The following SLIT2 variants were observed in gnomAD, a reference collection of about 807,000 sequenced individuals.
SLIT2 encodes slit homolog 2 protein.
Under a neutral mutation model 185.7 loss-of-function variants are expected in SLIT2, and 41 were observed. The ratio of observed to expected loss-of-function variants is 0.22; its 90% CI spans 0.17 to 0.29. The LOEUF is 0.29. SLIT2 is among the 10% of genes least tolerant of loss of function. The pLI is 1.00. For synonymous variants in SLIT2, 693 were observed against 680.2 expected, an observed-to-expected ratio of 1.02 and a Z score of -0.29; for missense variants, 1,571 against 1,909.0, an observed-to-expected ratio of 0.82 and a Z score of 3.30.
intron 26 of SLIT2, among the ~76,000 whole-genome samples, chr4:20,555,656 A>G (rs980872263): frequency 3.3e-5 from 5 of 152,064 alleles, no homozygotes; most frequent in Non-Finnish European, 7.4e-5. Flanking sequence ...CATACCCTCA[A>G]CGTTTTTAAT....
At chr4:20,578,763 A>G (rs535354387) in intron 29 of SLIT2, among the ~76,000 whole-genome samples, 6 of 152,304 alleles carry the variant, frequency 3.9e-5, no homozygotes, top group Non-Finnish European at 7.4e-5. Context: ...TTTGAATTTA[A>G]AAAGCTAACT....
At chr4:20,430,900 C>T (rs553353635) in intron 4 of SLIT2, among the ~76,000 whole-genome samples, 12 of 152,282 alleles carry the variant, frequency 7.9e-5, no homozygotes, top group South Asian at 2.1e-4. Context: ...TGTATACCAT[C>T]GACACACACG....
In SLIT2 at chr4:20,257,852, A is replaced by G. The variant is rs1361534133; in HGVS notation, c.252-16A>G. On this transcript the variant is annotated splice_polypyrimidine_tract_variant and intron_variant, in intron 2 of 36. Coordinates refer to ENST00000504154, the MANE Select transcript of SLIT2 (RefSeq NM_004787.4). ...GAGTGGTAACATTAAGAAGCATGTT[A>G]TATTTTGCATTTCAGTCAGCTTATG... 2 of 1,378,764 alleles carry G rather than the reference A, an allele frequency of 1.5e-6. No individual in the cohort carries two copies. The highest frequency in any genetic ancestry group is 1.0e-6 in the Non-Finnish European group (1 of 973,084). The allele number at this position is 1,378,764 out of a possible 1,614,324, so 85.4% of individuals were successfully genotyped here.
At position 20,525,133 on chromosome 4, in the gene SLIT2, C is replaced by T. The variant is rs1163603594; in HGVS notation, c.1439-16C>T. 1.2e-6 allele frequency: 2 copies of T among 1,601,124 alleles called. No homozygotes were observed. Among genetic ancestry groups the T allele is most frequent in the South Asian group, 1.1e-5 (1 of 90,776 alleles). Reference sequence around the variant, plus strand: ...TTCAGGTGCATCTTCTATTTTTTGTCTCTTTTTTTATTTAGCTAAAGAACA... The same window carrying T: ...TTCAGGTGCATCTTCTATTTTTTGTTTCTTTTTTTATTTAGCTAAAGAACA... On this transcript the variant is annotated splice_polypyrimidine_tract_variant and intron_variant, in intron 14 of 36. Coordinates refer to ENST00000504154, the MANE Select transcript of SLIT2 (RefSeq NM_004787.4).
rs146492057 is a variant in SLIT2, at chr4:20,311,977, G to A, written c.395+43096G>A. 2.4e-3 allele frequency among the ~76,000 whole-genome samples: 372 copies of A among 152,244 alleles called. 2 individuals are homozygous for A. The highest frequency in any genetic ancestry group is 0.024 in the Middle Eastern group (7 of 294). On this transcript the variant is annotated intron_variant, in intron 4 of 36. Coordinates refer to ENST00000504154, the MANE Select transcript of SLIT2 (RefSeq NM_004787.4). ...TATTTTCAGACATAATGGAATAATGGTGTTTAGCCACAATGTGGTATTTTC... is the reference window on the plus strand; with the variant it reads ...TATTTTCAGACATAATGGAATAATGATGTTTAGCCACAATGTGGTATTTTC...
intron 29 of SLIT2, among the ~76,000 whole-genome samples, chr4:20,576,969 G>A (rs1726128898): frequency 1.3e-5 from 2 of 150,214 alleles, no homozygotes; most frequent in South Asian, 2.1e-4. Context: ...TGTTTATTTG[G>A]AGAGGTAAGT....
Position 20,551,125 on chromosome 4 carries a change from T to C in SLIT2, c.2561+227T>C, listed in dbSNP as rs183690181. Among the ~76,000 whole-genome samples the C allele has an allele frequency of 1.8e-4, 27 of 152,346 alleles. No individual in the cohort carries two copies. The East Asian group carries it at 5.0e-3, about 28-fold the overall frequency. On this transcript the variant is annotated intron_variant, in intron 25 of 36. Transcript: ENST00000504154. ...AGTAGTCGAATTATCTTTGCTTAGCTAAACATGTCTCTTCTACAAATATGG... is the reference window on the plus strand; with the variant it reads ...AGTAGTCGAATTATCTTTGCTTAGCCAAACATGTCTCTTCTACAAATATGG...
At chr4:20,342,781 G>A (rs1262489038) in intron 4 of SLIT2, among the ~76,000 whole-genome samples, 1 of 129,674 alleles carries the variant, frequency 7.7e-6, no homozygotes, top group Non-Finnish European at 1.6e-5. Context: ...ATGTGCTGGA[G>A]ATACAGGCAT....
intron 4 of SLIT2, among the ~76,000 whole-genome samples, chr4:20,402,430 A>G (rs890265035): frequency 4.6e-5 from 7 of 151,928 alleles, no homozygotes; most frequent in African/African-American, 1.7e-4. Context: ...TTCATCGCTT[A>G]TTTAAAAAAC....
chr4:20,503,562 A>G (rs746522353), intron 9 of SLIT2, among the ~76,000 whole-genome samples: 18 of 130,360 alleles, frequency 1.4e-4, no homozygotes, highest in Non-Finnish European at 2.9e-4. Context: ...GCCTAAGCCC[A>G]TTTTTTTTCC....
chr4:20,417,655 G>C (rs1230284797), intron 4 of SLIT2, among the ~76,000 whole-genome samples: 1 of 151,582 alleles, frequency 6.6e-6, no homozygotes, highest in Non-Finnish European at 1.5e-5. Flanking sequence ...CCGAGTAGCT[G>C]GGACTATAGG....
chr4:20,254,863 T>C lies in SLIT2; in HGVS notation c.179+869T>C, dbSNP rs1711606587. The C allele has an allele frequency of 2.2e-6, 1 of 452,734 alleles. No homozygotes were observed. Among genetic ancestry groups the C allele is most frequent in the South Asian group, 1.6e-5 (1 of 63,968 alleles). 28.0% of individuals were successfully genotyped at this position (452,734 alleles called of 1,614,324 possible). On this transcript the variant is annotated intron_variant, in intron 1 of 36. Transcript: ENST00000504154. The surrounding 1 kb of genome is among the most constrained non-coding windows in gnomAD (Gnocchi z 5.1). ...CTGCGCCCCTTCACGTGGCAGCAGTTCCCCTGCCTTCCCCTCTTCGCGCTC... is the reference window on the plus strand; with the variant it reads ...CTGCGCCCCTTCACGTGGCAGCAGTCCCCCTGCCTTCCCCTCTTCGCGCTC...
intron 4 of SLIT2, among the ~76,000 whole-genome samples, chr4:20,386,686 T>C (rs1724961374): frequency 6.6e-6 from 1 of 152,176 alleles, no homozygotes. Flanking sequence ...AGCACAGATA[T>C]TGGGACAGAC....
At position 20,441,519 on chromosome 4, in the gene SLIT2, GTC is replaced by G. The variant is rs376556054; in HGVS notation, c.396-26205_396-26204del. Among the ~76,000 whole-genome samples the G allele has an allele frequency of 7.1e-3, 764 of 107,632 alleles. 1 individual carries two copies. The highest frequency in any genetic ancestry group is 0.011 in the African/African-American group (304 of 26,552). The allele number at this position is 107,632 out of a possible 152,430, so 70.6% of individuals were successfully genotyped here. A position where few individuals can be genotyped will look rare whatever the true frequency, so the allele number is the denominator to read the frequency against. The stretch of plus-strand genomic sequence containing the variant: ...CTCTCTCTCGCCCCCCCCCACTTCT[GTC>G]TCTCTCTCTCTCTCTCTCTCTCTCT... On this transcript the variant is annotated intron_variant, in intron 4 of 36. Coordinates refer to ENST00000504154, the MANE Select transcript of SLIT2 (RefSeq NM_004787.4).
At chr4:20,269,006 TTG>T in intron 4 of SLIT2, 125 bp downstream of exon 4, 2 of 651,596 alleles carry the variant, frequency 3.1e-6, no homozygotes, top group Non-Finnish European at 5.5e-6. Flanking sequence ...GATTAAAAGT[TTG>T]TGTTTTTTCT....
At chr4:20,557,050 T>C (rs1724321207) in intron 26 of SLIT2, among the ~76,000 whole-genome samples, 1 of 152,040 alleles carries the variant, frequency 6.6e-6, no homozygotes, top group Admixed American at 6.6e-5. Context: ...GTGAGGAAGC[T>C]GTAGAAGAAA....
intron 5 of SLIT2, among the ~76,000 whole-genome samples, chr4:20,478,137 A>T (rs1267602144): frequency 6.6e-6 from 1 of 152,048 alleles, no homozygotes; most frequent in African/African-American, 2.4e-5. Flanking sequence ...TACCAGCACA[A>T]CACTTTATGT....
At chr4:20,337,296 G>C (rs1720587357) in intron 4 of SLIT2, among the ~76,000 whole-genome samples, 1 of 152,186 alleles carries the variant, frequency 6.6e-6, no homozygotes, top group Non-Finnish European at 1.5e-5. Flanking sequence ...AGCAGGCAAA[G>C]AGAAAGCTTG....
In SLIT2 at chr4:20,320,283, G is replaced by A. The variant is rs528391619; in HGVS notation, c.395+51402G>A. On this transcript the variant is annotated intron_variant, in intron 4 of 36. Coordinates refer to ENST00000504154, the MANE Select transcript of SLIT2 (RefSeq NM_004787.4). ...TTTCTTCTTGGTCTTAACAGCGCAC[G>A]TCAGTTCCCAGTTGCATGACTATAG... Among the ~76,000 whole-genome samples, 42 of 152,168 alleles carry A rather than the reference G, an allele frequency of 2.8e-4. 1 individual carries two copies. Among genetic ancestry groups the A allele is most frequent in the African/African-American group, 9.4e-4 (39 of 41,532 alleles).
Sources: gnomAD v4.1 joint callset for allele counts (sites outside exome capture counted in the v4.1 genomes callset) on GRCh38, gnomAD v4.1.1 for gene constraint, Gnocchi (gnomAD v3.1) non-coding constraint, MANE v1.5 for transcripts, NCBI Gene and HGNC (gene_info 2026-07-23, HGNC 2026-07-21) for gene names.